Variants in DDX6 observed in about 807,000 individuals in gnomAD.
DDX6 encodes the protein probable ATP-dependent RNA helicase DDX6.
A neutral mutation model predicts 60.6 loss-of-function variants in DDX6; 7 were observed. That is an observed-to-expected ratio of 0.12 (90% CI 0.07 to 0.22). The LOEUF (loss-of-function observed/expected upper bound fraction) is 0.22, where lower values mean the gene tolerates loss of function less well. Among genes scored for constraint, DDX6 ranks in the 10% least tolerant of loss-of-function variants. The pLI is 1.00. For missense variants in DDX6, 270 were observed against 589.9 expected, an observed-to-expected ratio of 0.46 and a Z score of 5.62; for synonymous variants, 207 against 201.0, an observed-to-expected ratio of 1.03 and a Z score of -0.25.
At chr11:118,771,036 A>G (rs1189101325) in intron 4 of DDX6, among the ~76,000 whole-genome samples, 1 of 152,224 alleles carries the variant, frequency 6.6e-6, no homozygotes, top group South Asian at 2.1e-4. Context: ...CTCATCACAG[A>G]TAAGTGAACC....
At chr11:118,790,346 T>C (rs1790188) in intron 1 of DDX6, 131,332 of 152,084 alleles carry the variant, frequency 0.86, 56,894 homozygotes, top group East Asian at 1. Flanking sequence ...ACCGCTCCAT[T>C]AGTAGCAAAC....
chr11:118,790,520 TACAGC>T (rs1404854879), intron 1 of DDX6, among the ~76,000 whole-genome samples: 4 of 151,962 alleles, frequency 2.6e-5, no homozygotes, highest in Non-Finnish European at 1.5e-5. Context: ...AGCCCTCCAA[TACAGC>T]ATGTCCCTGC....
intron 7 of DDX6, among the ~76,000 whole-genome samples, chr11:118,761,396 C>T (rs999036446): frequency 6.6e-6 from 1 of 152,180 alleles, no homozygotes; most frequent in African/African-American, 2.4e-5. Context: ...GTGGGCAGAT[C>T]ACTTGAGGTC....
chr11:118,778,966 G>A (rs1861793929), intron 4 of DDX6, among the ~76,000 whole-genome samples: 1 of 152,018 alleles, frequency 6.6e-6, no homozygotes, highest in African/African-American at 2.4e-5. Context: ...AATCAGCCTG[G>A]ATAACATAGC....
In DDX6 at chr11:118,786,074, G is replaced by C. The variant is rs1322993541; in HGVS notation, c.178C>G (p.Gln60Glu). The C allele has an allele frequency of 6.2e-7, 1 of 1,613,782 alleles. No homozygotes were observed. Among genetic ancestry groups the C allele is most frequent in the Non-Finnish European group, 8.5e-7 (1 of 1,179,880 alleles). ...TINNGTQQQA[Q>E]SMTTTIKPGD... ...TACTTAATAGTGGTGGTCATACTCT[G>C]TGCTTGCTGCTGAGTGCCATTATTG... Residue 60 changes from glutamine (Q) to glutamate (E), a missense_variant, in exon 2 of 14, where the codon CAG becomes GAG. By Grantham distance (29) the Gln-to-Glu change is conservative. Around this residue, in one of 8 missense-constraint regions of DDX6, gnomAD observed 102 missense variants for 110.5 expected, o/e 0.92. Coordinates refer to ENST00000534980, the MANE Select transcript of DDX6 (RefSeq NM_004397.6).
At chr11:118,757,465 A>G (rs1251739226) in intron 9 of DDX6, among the ~76,000 whole-genome samples, 178 bp from the exon 10 acceptor site, 3 of 152,218 alleles carry the variant, frequency 2.0e-5, no homozygotes, top group Non-Finnish European at 4.4e-5. Flanking sequence ...GAAGATAATA[A>G]TATCTAAGAT....
At position 118,784,750 on chromosome 11, in the gene DDX6, C is replaced by T. The variant is rs183592019; in HGVS notation, c.200+1302G>A. On this transcript the variant is annotated intron_variant, in intron 2 of 13. Transcript: ENST00000534980. ...GGGATTAAAGGCGTGAGCTACCGCA[C>T]CTGGCCTTTTTTTTTTTTGAGATGG... Among the ~76,000 whole-genome samples, 1,326 of 151,474 alleles carry T rather than the reference C, an allele frequency of 8.8e-3. 22 individuals carry two copies. The highest frequency in any genetic ancestry group is 0.03 in the African/African-American group (1,245 of 41,366).
chr11:118,773,768 T>G (rs1555163066), intron 4 of DDX6, among the ~76,000 whole-genome samples: 1 of 151,712 alleles, frequency 6.6e-6, no homozygotes, highest in Non-Finnish European at 1.5e-5. Flanking sequence ...GCAGGAGAAC[T>G]GCTTGAGGCC....
chr11:118,770,955 C>T (rs1286564904), intron 4 of DDX6, among the ~76,000 whole-genome samples: 1 of 151,676 alleles, frequency 6.6e-6, no homozygotes, highest in African/African-American at 2.4e-5. Flanking sequence ...GCATTAAAGA[C>T]TCTGCTTATT....
chr11:118,756,162 C>T (rs539370513), intron 11 of DDX6, 98 bp downstream of exon 11: 84 of 866,198 alleles, frequency 9.7e-5, no homozygotes, highest in Non-Finnish European at 1.2e-4. Flanking sequence ...TAGGGTGTGT[C>T]GGACTATGTC....
intron 5 of DDX6, among the ~76,000 whole-genome samples, chr11:118,765,928 G>A (rs1300947053): frequency 9.9e-5 from 15 of 151,884 alleles, no homozygotes; most frequent in African/African-American, 3.6e-4. Context: ...AAATTAGCTG[G>A]GCGTGGGTGG....
intron 4 of DDX6, among the ~76,000 whole-genome samples, chr11:118,773,088 T>G (rs532107300): frequency 6.6e-6 from 1 of 152,214 alleles, no homozygotes; most frequent in South Asian, 2.1e-4. Context: ...TTCCTTTTGC[T>G]TAAGTTAGAT....
rs369951350 is a variant in DDX6 at position 118,770,883 on chromosome 11, CA to C, written c.370-2532del. On this transcript the variant is annotated intron_variant, in intron 4 of 13. Coordinates refer to ENST00000534980, the MANE Select transcript of DDX6 (RefSeq NM_004397.6). ...GGCAATGGAGCAAGACTCAGTCTCA[CA>C]AAAAAAAAAAAAAAGAGAGAGAAAA... Among the ~76,000 whole-genome samples the C allele has an allele frequency of 2.9e-3, 273 of 95,432 alleles. 2 individuals carry two copies. Among genetic ancestry groups the C allele is most frequent in the African/African-American group, 3.8e-3 (83 of 21,952 alleles). The allele number at this position is 95,432 out of a possible 152,430, so 62.6% of individuals were successfully genotyped here. A position where few individuals can be genotyped will look rare whatever the true frequency, so the allele number is the denominator to read the frequency against.
chr11:118,784,594 G>A lies in DDX6; in HGVS notation c.200+1458C>T, dbSNP rs190543109. 3.0e-4 allele frequency among the ~76,000 whole-genome samples: 45 copies of A among 151,916 alleles called. No individual in the cohort carries two copies. The East Asian group carries it at 4.3e-3, about 14-fold the overall frequency. ...CCGCCTCAGCCTCCTGAGTAGCTGG[G>A]ATTACAGGCGCATGCCATCACACCC... On this transcript the variant is annotated intron_variant, in intron 2 of 13. Coordinates refer to ENST00000534980, the MANE Select transcript of DDX6 (RefSeq NM_004397.6).
In DDX6 at chr11:118,766,413, G is replaced by T. The variant is rs554786609; in HGVS notation, c.500-1058C>A. Among the ~76,000 whole-genome samples, 58 of 152,086 alleles carry T rather than the reference G, an allele frequency of 3.8e-4. 1 individual carries two copies. Among genetic ancestry groups the T allele is most frequent in the African/African-American group, 1.3e-3 (56 of 41,482 alleles). On this transcript the variant is annotated intron_variant, in intron 5 of 13. Transcript: ENST00000534980. ...CATGACACCACACTCCAGAATGGGT[G>T]ACACAGCAAGACTCTGTCTCCCCCG... is the stretch of plus-strand genomic sequence containing the variant.
chr11:118,758,931 C>T (rs782394277), intron 8 of DDX6, 29 bp from the exon 9 acceptor site: 14 of 1,611,524 alleles, frequency 8.7e-6, no homozygotes, highest in East Asian at 6.7e-5. Context: ...AAAGATGAGT[C>T]GTCGTCTTAA....
intron 4 of DDX6, among the ~76,000 whole-genome samples, chr11:118,777,686 C>T (rs1379596533): frequency 1.3e-5 from 2 of 151,982 alleles, no homozygotes; most frequent in Non-Finnish European, 2.9e-5. Context: ...GTCAGGAGTT[C>T]AAGACCAGCC....
At chr11:118,761,434 T>C (rs969775315) in intron 7 of DDX6, among the ~76,000 whole-genome samples, 6 of 152,036 alleles carry the variant, frequency 3.9e-5, no homozygotes, top group African/African-American at 1.5e-4. Flanking sequence ...CTGACCAACA[T>C]GGAGAAACCC....
chr11:118,768,002 G>A (rs1346005143), intron 5 of DDX6: 3 of 462,206 alleles, frequency 6.5e-6, no homozygotes, highest in Non-Finnish European at 1.1e-5. Flanking sequence ...TCACAAGTGT[G>A]TATCATATAA....
Sources: gnomAD v4.1 joint callset for allele counts (sites outside exome capture counted in the v4.1 genomes callset) on GRCh38, gnomAD v4.1.1 for gene constraint, gnomAD v4.1.1 regional missense constraint, MANE v1.5 for transcripts, NCBI Gene and HGNC (gene_info 2026-07-23, HGNC 2026-07-21) for gene names.